The following PRPF6 variants were observed in gnomAD, a reference collection of about 807,000 sequenced individuals.
PRPF6 encodes pre-mRNA-processing factor 6.
Under a neutral mutation model 118.3 loss-of-function variants are expected in PRPF6, and 42 were observed. The ratio of observed to expected loss-of-function variants is 0.35; its 90% CI spans 0.28 to 0.46. The LOEUF (loss-of-function observed/expected upper bound fraction) is 0.46. Ranked by LOEUF, PRPF6 falls within the 20% of genes least tolerant of loss-of-function variation. PRPF6 has a pLI of 1.00. For missense variants in PRPF6, 662 were observed against 1,255.7 expected (o/e 0.53, Z 7.15); for synonymous variants, 481 against 485.1 (o/e 0.99, Z 0.11).
Position 64,029,566 on chromosome 20 carries a change from T to C in PRPF6, c.2546+75T>C, listed in dbSNP as rs2123106882. On this transcript the variant is annotated intron_variant, in intron 19 of 20. Transcript: ENST00000266079. This position sits in a 1 kb window ranked among gnomAD's most constrained non-coding sequence, Gnocchi z 4.8. ...CTTTTTCCAGAGTCTGTCTGCCTCT[T>C]CCTGGTCATTGTAAAGATGCCCGGC... 7.7e-7 allele frequency: 1 copy of C among 1,291,402 alleles called. No homozygotes were observed. Among genetic ancestry groups the C allele is most frequent in the Non-Finnish European group, 1.1e-6 (1 of 893,308 alleles). The allele number at this position is 1,291,402 out of a possible 1,614,324, so 80.0% of individuals were successfully genotyped here.
chr20:64,026,039 G>A lies in PRPF6; in HGVS notation c.2009G>A (p.Ser670Asn), dbSNP rs2123095403. Residue 670 changes from serine (S) to asparagine (N), a missense_variant, in exon 15 of 21, where the codon AGC (serine) becomes AAC (asparagine). Transcript: ENST00000266079. The surrounding 1 kb of genome is among the most constrained non-coding windows in gnomAD (Gnocchi z 4.4). The part of the protein sequence containing the change: ...RARRLLAKAR[S>N]SAPTARVFMK... The stretch of plus-strand genomic sequence containing the variant: ...CGGAGGCTGCTGGCCAAGGCGCGGA[G>A]CAGTGCCCCCACCGCCCGGGTACGC... 1 of 1,607,778 alleles carries A rather than the reference G, an allele frequency of 6.2e-7. No individual in the cohort carries two copies. The highest frequency in any genetic ancestry group is 8.5e-7 in the Non-Finnish European group (1 of 1,179,888).
chr20:64,001,884 C>T (rs758794928), intron 9 of PRPF6, among the ~76,000 whole-genome samples: 44 of 152,090 alleles, frequency 2.9e-4, no homozygotes, highest in Non-Finnish European at 5.0e-4. Flanking sequence ...CACTGTTTCT[C>T]CTGTCACTGG....
chr20:63,981,764 A>G (rs1048025507), intron 1 of PRPF6, among the ~76,000 whole-genome samples: 1 of 148,566 alleles, frequency 6.7e-6, no homozygotes, highest in Non-Finnish European at 1.5e-5. Context: ...CTATTTGGCT[A>G]TTCATTTGAT....
At chr20:64,022,254 TAC>T (rs2059270189) in intron 12 of PRPF6, among the ~76,000 whole-genome samples, 1 of 152,256 alleles carries the variant, frequency 6.6e-6, no homozygotes, top group Non-Finnish European at 1.5e-5. Flanking sequence ...GAGTAAGAAC[TAC>T]AGTGTTTTCT....
chr20:63,995,363 CTAAACACTCCATACCCAGGTGGAA>C lies in PRPF6; in HGVS notation c.654_677del (p.Asn219_Met226del), dbSNP rs1345130152. 1 of 1,613,860 alleles carries C rather than the reference CTAAACACTCCATACCCAGGTGGAA, an allele frequency of 6.2e-7. No individual in the cohort carries two copies. ...TCTTAACACACCCTATCCAGGTGGA[CTAAACACTCCATACCCAGGTGGAA>C]TGACGCCAGGACTGATGACACCTGG... On this transcript the variant is annotated inframe_deletion, in exon 6 of 21. Transcript: ENST00000266079.
Position 64,029,091 on chromosome 20 carries a change from C to T in PRPF6, c.2432-286C>T, listed in dbSNP as rs1330751229. On this transcript the variant is annotated intron_variant, in intron 18 of 20. Coordinates refer to ENST00000266079, the MANE Select transcript of PRPF6 (RefSeq NM_012469.4). This position sits in a 1 kb window ranked among gnomAD's most constrained non-coding sequence, Gnocchi z 4.8. ...CTGAGGCAGGAGAATTGCTTGAGCC[C>T]GGGAGTGGGAGGTTGCAGTGAGCTG... 1.3e-5 allele frequency among the ~76,000 whole-genome samples: 2 copies of T among 152,042 alleles called. No individual in the cohort carries two copies. The highest frequency in any genetic ancestry group is 2.4e-5 in the African/African-American group (1 of 41,402).
chr20:64,031,987 G>A lies in PRPF6; in HGVS notation c.2616G>A (p.Ser872=), dbSNP rs139156198. 3.4e-4 allele frequency: 555 copies of A among 1,614,168 alleles called. 1 individual carries two copies. In the African/African-American group the frequency reaches 5.9e-3, roughly 17 times the overall value. ...EWFHRTVKID[S]DLGDAWAFFY... is the part of the protein sequence containing the mutation. ...TCCACCGCACTGTGAAGATTGACTC[G>A]GACCTGGGGGATGCCTGGGCCTTCT... The change falls in exon 20 of 21, where the codon TCG becomes TCA. Residue 872 remains serine, a synonymous_variant. Coordinates refer to ENST00000266079, the MANE Select transcript of PRPF6 (RefSeq NM_012469.4).
chr20:64,009,158 C>T (rs1289390527), intron 9 of PRPF6, among the ~76,000 whole-genome samples: 1 of 151,622 alleles, frequency 6.6e-6, no homozygotes. Flanking sequence ...GGCTGCACGC[C>T]TGTACTCAGC....
In PRPF6 at chr20:64,032,909, C is replaced by G; in HGVS notation, c.2742C>G (p.Ala914=). 1 of 1,613,282 alleles carries G rather than the reference C, an allele frequency of 6.2e-7. No individual in the cohort carries two copies. Residue 914 remains alanine (A), a synonymous_variant, in exon 21 of 21, where the codon GCC becomes GCG. Coordinates refer to ENST00000266079, the MANE Select transcript of PRPF6 (RefSeq NM_012469.4). ...AEPRHGELWC[A]VSKDIANWQK... is the part of the protein sequence containing the mutation. The stretch of plus-strand genomic sequence containing the variant: ...CTCGGCATGGGGAGCTGTGGTGCGC[C>G]GTGTCCAAGGACATCGCCAACTGGC...
chr20:64,009,654 G>A (rs940209996), intron 9 of PRPF6, among the ~76,000 whole-genome samples: 5 of 152,144 alleles, frequency 3.3e-5, no homozygotes, highest in Non-Finnish European at 7.4e-5. Context: ...CCCAGGAAGC[G>A]GAGGTAGCAG....
intron 13 of PRPF6, among the ~76,000 whole-genome samples, chr20:64,024,171 G>A (rs1410112676): frequency 1.3e-5 from 2 of 152,132 alleles, no homozygotes; most frequent in Non-Finnish European, 2.9e-5. Context: ...AGTGAACCTG[G>A]GATCATAATC....
rs1315928150 is a variant in PRPF6 at position 64,011,835 on chromosome 20, C to T, written c.1524+332C>T. ...TCTTTCTTTGCTAGTAGAAATGATA[C>T]ACCTACGAGAGGAGGACAGGAAGTC... On this transcript the variant is annotated intron_variant, in intron 11 of 20. Transcript: ENST00000266079. The surrounding 1 kb of genome is among the most constrained non-coding windows in gnomAD (Gnocchi z 6.7). Among the ~76,000 whole-genome samples the T allele has an allele frequency of 4.6e-5, 5 of 107,982 alleles. No individual in the cohort carries two copies. The highest frequency in any genetic ancestry group is 5.8e-5 in the Non-Finnish European group (3 of 51,950). The allele number at this position is 107,982 out of a possible 152,430, so 70.8% of individuals were successfully genotyped here. A position where few individuals can be genotyped will look rare whatever the true frequency, so the allele number is the denominator to read the frequency against.
intron 11 of PRPF6, among the ~76,000 whole-genome samples, chr20:64,015,249 C>T (rs78461052): frequency 0.018 from 2,796 of 152,302 alleles, 87 homozygotes; most frequent in African/African-American, 0.064. Flanking sequence ...GAAGAGCCAG[C>T]GCAGTTTGCG....
chr20:64,015,998 G>A (rs1384307924), intron 11 of PRPF6, among the ~76,000 whole-genome samples: 2 of 152,160 alleles, frequency 1.3e-5, no homozygotes, highest in Non-Finnish European at 2.9e-5. Context: ...GGTGGTGCAT[G>A]TCTGTGCTAC....
At position 64,030,866 on chromosome 20, in the gene PRPF6, T is replaced by C. The variant is rs2059311117; in HGVS notation, c.2547-1052T>C. Among the ~76,000 whole-genome samples, 5 of 152,224 alleles carry C rather than the reference T, an allele frequency of 3.3e-5. No individual in the cohort carries two copies. The South Asian group carries it at 8.3e-4, about 25-fold the overall frequency. ...GGCAACTGAGACGAACCCGAACAGC[T>C]GCCCGGAGTGGAGGCTCCTCGTGTT... On this transcript the variant is annotated intron_variant, in intron 19 of 20. Coordinates refer to ENST00000266079, the MANE Select transcript of PRPF6 (RefSeq NM_012469.4).
rs755406303 is a variant in PRPF6, at chr20:64,027,580, G to C, written c.2206-23G>C. 1.9e-6 allele frequency: 3 copies of C among 1,614,022 alleles called. No individual in the cohort carries two copies. The highest frequency in any genetic ancestry group is 1.6e-4 in the Middle Eastern group (1 of 6,062). On this transcript the variant is annotated intron_variant, in intron 16 of 20. Transcript: ENST00000266079. The surrounding 1 kb of genome is among the most constrained non-coding windows in gnomAD (Gnocchi z 6.5). Reference sequence around the variant, plus strand: ...GTTCTTCATAGACACCACCTGAGCTGCTCTCTTACTTGTTGGTTGCAGTTG... The same window carrying C: ...GTTCTTCATAGACACCACCTGAGCTCCTCTCTTACTTGTTGGTTGCAGTTG...
chr20:64,025,846 C>T, intron 14 of PRPF6, 93 bp from the exon 15 acceptor site: 1 of 1,606,592 alleles, frequency 6.2e-7, no homozygotes, highest in Non-Finnish European at 8.5e-7. Flanking sequence ...CAAGGCCTGG[C>T]TCAGTTCCTG....
At chr20:64,022,946 A>G (rs2059273117) in intron 13 of PRPF6, 68 bp downstream of exon 13, 3 of 1,609,886 alleles carry the variant, frequency 1.9e-6, no homozygotes, top group Non-Finnish European at 2.5e-6. Context: ...GTAGCCCTGA[A>G]TTTAAACCTC....
chr20:64,015,775 A>G (rs932679230), intron 11 of PRPF6, among the ~76,000 whole-genome samples: 3 of 152,216 alleles, frequency 2.0e-5, no homozygotes, highest in Admixed American at 6.6e-5. Flanking sequence ...ACATGTTTCA[A>G]TGTTGCTCAT....
Sources: gnomAD v4.1 joint callset for allele counts (sites outside exome capture counted in the v4.1 genomes callset) on GRCh38, gnomAD v4.1.1 for gene constraint, Gnocchi (gnomAD v3.1) non-coding constraint, MANE v1.5 for transcripts, NCBI Gene and HGNC (gene_info 2026-07-23, HGNC 2026-07-21) for gene names.